The following BABAM2 variants were observed in gnomAD, a reference collection of about 807,000 sequenced individuals.
BABAM2 encodes the protein BRISC and BRCA1 A complex member 2.
BABAM2 carries 31 observed loss-of-function variants against 54.7 expected under a neutral mutation model. The observed-to-expected ratio is 0.57, with a 90% CI of 0.43 to 0.77. The LOEUF is 0.77. Ranked by LOEUF, BABAM2 falls within the 30% of genes least tolerant of loss-of-function variation. The probability of loss-of-function intolerance (pLI) is 0.00; values close to 1 mark genes in which losing one functional copy is unlikely to be tolerated. For missense variants in BABAM2, 364 were observed against 455.8 expected (o/e 0.80, Z 1.83); for synonymous variants, 167 against 162.9 (o/e 1.03, Z -0.19).
chr2:28,207,345 A>T (rs1482545695), intron 7 of BABAM2, among the ~76,000 whole-genome samples: 2 of 636 alleles, frequency 3.1e-3, no homozygotes, highest in Admixed American at 0.071. Context: ...CTCTAGTTTA[A>T]AAAAAAAAAA....
intron 2 of BABAM2, among the ~76,000 whole-genome samples, chr2:27,926,691 C>G (rs1361812040): frequency 6.6e-6 from 1 of 152,058 alleles, no homozygotes; most frequent in Admixed American, 6.5e-5. Context: ...TTCTCTGTCT[C>G]GTCAGTCCTA....
chr2:28,087,370 A>G (rs1337039000), intron 6 of BABAM2, among the ~76,000 whole-genome samples: 5 of 152,162 alleles, frequency 3.3e-5, no homozygotes, highest in Non-Finnish European at 7.3e-5. Flanking sequence ...ACAAACAGCT[A>G]TCCTGAAATG....
chr2:27,892,808 A>T (rs1442293131), intron 1 of BABAM2, among the ~76,000 whole-genome samples: 1 of 152,178 alleles, frequency 6.6e-6, no homozygotes, highest in Non-Finnish European at 1.5e-5. Context: ...ATGAGAGACT[A>T]GTCGGGGGGC....
At chr2:28,225,041 A>G (rs1236449859) in intron 7 of BABAM2, among the ~76,000 whole-genome samples, 1 of 152,162 alleles carries the variant, frequency 6.6e-6, no homozygotes, top group Non-Finnish European at 1.5e-5. Flanking sequence ...AAGAAAACAG[A>G]GCTTAGGGAT....
intron 11 of BABAM2, chr2:28,327,489 A>G (rs1329813545): frequency 6.6e-7 from 1 of 1,509,128 alleles, no homozygotes. Flanking sequence ...AGGAACCAGA[A>G]TTCATCCCAA....
intron 7 of BABAM2, among the ~76,000 whole-genome samples, chr2:28,222,504 G>T (rs1402962709): frequency 6.6e-6 from 1 of 152,194 alleles, no homozygotes; most frequent in African/African-American, 2.4e-5. Flanking sequence ...TTCACATGCT[G>T]CAGGGGCAGG....
At chr2:28,118,103 T>G (rs1338985906) in intron 6 of BABAM2, among the ~76,000 whole-genome samples, 1 of 152,218 alleles carries the variant, frequency 6.6e-6, no homozygotes, top group Admixed American at 6.5e-5. Flanking sequence ...ACATCACAAC[T>G]CAGAGAAACT....
intron 3 of BABAM2, among the ~76,000 whole-genome samples, chr2:27,935,829 G>T (rs192226509): frequency 6.6e-6 from 1 of 152,234 alleles, no homozygotes; most frequent in Non-Finnish European, 1.5e-5. Context: ...GGACCCTGCA[G>T]TAGCAAAGAG....
intron 11 of BABAM2, among the ~76,000 whole-genome samples, chr2:28,324,607 A>C (rs1370764776): frequency 1.3e-5 from 2 of 150,738 alleles, no homozygotes; most frequent in Non-Finnish European, 3.0e-5. Context: ...GACCCGTAAC[A>C]TAGCAAGACC....
intron 7 of BABAM2, among the ~76,000 whole-genome samples, chr2:28,152,199 T>A (rs1229408136): frequency 2.0e-5 from 3 of 152,172 alleles, no homozygotes; most frequent in Non-Finnish European, 4.4e-5. Flanking sequence ...CAAACTTGCC[T>A]TAAACAATTG....
chr2:28,315,023 GGA>G (rs5830067), intron 11 of BABAM2, among the ~76,000 whole-genome samples: 25 of 136,198 alleles, frequency 1.8e-4, no homozygotes, highest in African/African-American at 4.2e-4. Context: ...AAAGAGAGAA[GGA>G]GAGAGAGAGA....
chr2:28,236,789 G>C (rs978581702), intron 7 of BABAM2, among the ~76,000 whole-genome samples: 15 of 152,152 alleles, frequency 9.9e-5, no homozygotes, highest in Non-Finnish European at 1.8e-4. Context: ...GATAATGGCC[G>C]ATAAGCTGTA....
intron 2 of BABAM2, among the ~76,000 whole-genome samples, chr2:27,905,961 A>T (rs1403059245): frequency 6.6e-6 from 1 of 152,260 alleles, no homozygotes; most frequent in Non-Finnish European, 1.5e-5. Context: ...TTTAGCAGAT[A>T]GAACTTAAGA....
At chr2:28,265,535 C>T (rs1203565635) in intron 10 of BABAM2, among the ~76,000 whole-genome samples, 1 of 152,188 alleles carries the variant, frequency 6.6e-6, no homozygotes, top group East Asian at 1.9e-4. Flanking sequence ...AGTCCCCTCT[C>T]CATGACTCCT....
chr2:28,014,937 C>G (rs1173210832), intron 4 of BABAM2, among the ~76,000 whole-genome samples: 1 of 152,118 alleles, frequency 6.6e-6, no homozygotes, highest in Non-Finnish European at 1.5e-5. Context: ...AAAATAATTC[C>G]TTTCCCAAGC....
chr2:28,155,022 C>T (rs1256543595), intron 7 of BABAM2, among the ~76,000 whole-genome samples: 1 of 152,120 alleles, frequency 6.6e-6, no homozygotes, highest in Admixed American at 6.6e-5. Flanking sequence ...TCTCTCTTCT[C>T]TCTCTTTTGC....
chr2:28,019,918 C>T (rs571102979), intron 4 of BABAM2, among the ~76,000 whole-genome samples: 16 of 152,158 alleles, frequency 1.1e-4, no homozygotes, highest in Non-Finnish European at 1.8e-4. Flanking sequence ...AGTTTGAAGT[C>T]GGGTAATGTG....
chr2:28,185,694 C>T (rs962758645), intron 7 of BABAM2, among the ~76,000 whole-genome samples: 3 of 151,912 alleles, frequency 2.0e-5, no homozygotes, highest in African/African-American at 7.3e-5. Flanking sequence ...TGGATCACCA[C>T]ATTTCTGTCA....
Position 28,316,294 on chromosome 2 carries a change from C to T in BABAM2, c.1088+17803C>T, listed in dbSNP as rs939425373. On this transcript the variant is annotated intron_variant, in intron 11 of 11. Coordinates refer to ENST00000379624, the MANE Select transcript of BABAM2 (RefSeq NM_199191.3). ...TGTCTCTCGGGTGATAAAGGCTCCA[C>T]GCAGCAGGCTTTGAGCAGGGCCTTC... Among the ~76,000 whole-genome samples the T allele has an allele frequency of 3.3e-5, 5 of 151,954 alleles. No homozygotes were observed. In the East Asian group the frequency reaches 5.8e-4, roughly 18 times the overall value.
Sources: gnomAD v4.1 joint callset for allele counts (sites outside exome capture counted in the v4.1 genomes callset) on GRCh38, gnomAD v4.1.1 for gene constraint, MANE v1.5 for transcripts, NCBI Gene and HGNC (gene_info 2026-07-23, HGNC 2026-07-21) for gene names.